The following GALNT13 variants were observed in gnomAD, a reference collection of about 807,000 sequenced individuals.
The protein encoded by GALNT13 is UDP-GalNAc:polypeptide N-acetylgalactosaminyltransferase 13.
A neutral mutation model predicts 64.2 loss-of-function variants in GALNT13; 28 were observed. That is an observed-to-expected ratio of 0.44 (90% confidence interval 0.32 to 0.60). GALNT13 has a LOEUF of 0.60. GALNT13 is among the 20% of genes least tolerant of loss of function. The pLI, the probability that GALNT13 is intolerant of heterozygous loss-of-function variation, is 0.05. For synonymous variants in GALNT13, 214 were observed against 224.6 expected, an observed-to-expected ratio of 0.95 and a Z score of 0.42; for missense variants, 577 against 669.8, an observed-to-expected ratio of 0.86 and a Z score of 1.53.
At chr2:153,266,838 T>C in the GALNT13 span, among the ~76,000 whole-genome samples, 1 of 152,134 alleles carries the variant, frequency 6.6e-6, no homozygotes, top group African/African-American at 2.4e-5. Flanking sequence ...TCAAAACCAA[T>C]TATGCCTTCC....
chr2:154,344,023 C>A (rs539512755), intron 9 of GALNT13, among the ~76,000 whole-genome samples: 1 of 152,016 alleles, frequency 6.6e-6, no homozygotes, highest in African/African-American at 2.4e-5. Context: ...AAAAGGGACA[C>A]TCTTTTCTCT....
chr2:153,499,469 G>A, the GALNT13 span, among the ~76,000 whole-genome samples: 6,380 of 152,216 alleles, frequency 0.042, 428 homozygotes, highest in African/African-American at 0.14. Context: ...GCTTCAGGCC[G>A]TCACTGGCTT....
chr2:154,379,286 T>G (rs1698151893), intron 9 of GALNT13, among the ~76,000 whole-genome samples: 2 of 152,108 alleles, frequency 1.3e-5, no homozygotes, highest in Admixed American at 1.3e-4. Context: ...TGTAAAATGC[T>G]ATGTAGCTTT....
At chr2:153,906,707 C>T (rs1253503345) in intron 2 of GALNT13, among the ~76,000 whole-genome samples, 10 of 150,964 alleles carry the variant, frequency 6.6e-5, no homozygotes, top group Non-Finnish European at 1.0e-4. Flanking sequence ...AATAAACATA[C>T]GTGTGCATGT....
intron 9 of GALNT13, among the ~76,000 whole-genome samples, chr2:154,380,110 T>A (rs947337324): frequency 6.6e-6 from 1 of 152,082 alleles, no homozygotes; most frequent in Non-Finnish European, 1.5e-5. Flanking sequence ...AAAAGGTATT[T>A]ATCAGGTTTT....
intron 4 of GALNT13, among the ~76,000 whole-genome samples, chr2:154,147,833 T>C (rs1033229766): frequency 6.6e-6 from 1 of 152,014 alleles, no homozygotes; most frequent in Admixed American, 6.6e-5. Flanking sequence ...GAAAGGGTTT[T>C]TAAAATATTA....
chr2:153,164,392 GT>G, the GALNT13 span, among the ~76,000 whole-genome samples: 2 of 151,938 alleles, frequency 1.3e-5, no homozygotes, highest in South Asian at 2.1e-4. Flanking sequence ...TTTACTATAT[GT>G]TTTTTTGGGA....
At chr2:153,590,684 A>T in the GALNT13 span, among the ~76,000 whole-genome samples, 1 of 152,198 alleles carries the variant, frequency 6.6e-6, no homozygotes, top group South Asian at 2.1e-4. Flanking sequence ...AAATCAATAA[A>T]TTTGGTACAT....
the GALNT13 span, among the ~76,000 whole-genome samples, chr2:153,138,736 T>G: frequency 6.6e-6 from 1 of 152,090 alleles, no homozygotes; most frequent in African/African-American, 2.4e-5. Context: ...TTCTTCTCCC[T>G]TGCACCCTGA....
chr2:154,108,831 A>G (rs1445818837), intron 3 of GALNT13, among the ~76,000 whole-genome samples: 2 of 152,064 alleles, frequency 1.3e-5, no homozygotes, highest in African/African-American at 2.4e-5. Flanking sequence ...TTCCAACACT[A>G]TTTATTGAAG....
chr2:153,487,369 C>T, the GALNT13 span, among the ~76,000 whole-genome samples: 2 of 152,202 alleles, frequency 1.3e-5, no homozygotes, highest in Non-Finnish European at 2.9e-5. Flanking sequence ...TTGGGCCAGT[C>T]GCCTACCAAC....
the GALNT13 span, among the ~76,000 whole-genome samples, chr2:153,721,098 C>T: frequency 2.7e-5 from 4 of 148,396 alleles, no homozygotes; most frequent in African/African-American, 7.5e-5. Context: ...GCCCATCAGA[C>T]TAACAGCGGA....
At chr2:153,437,437 C>A in the GALNT13 span, among the ~76,000 whole-genome samples, 1 of 152,118 alleles carries the variant, frequency 6.6e-6, no homozygotes, top group African/African-American at 2.4e-5. Context: ...GTTAAAGTCT[C>A]CCACTATTAT....
chr2:153,917,626 T>A (rs1689466330), intron 2 of GALNT13, among the ~76,000 whole-genome samples: 1 of 152,110 alleles, frequency 6.6e-6, no homozygotes, highest in Non-Finnish European at 1.5e-5. Flanking sequence ...GCACATCCAC[T>A]GAAATGAAAC....
chr2:153,912,915 A>G (rs1007486576), intron 2 of GALNT13, among the ~76,000 whole-genome samples: 2 of 152,230 alleles, frequency 1.3e-5, no homozygotes, highest in African/African-American at 4.8e-5. Context: ...CAGCAGCAGC[A>G]TGGCCAAGTG....
the GALNT13 span, among the ~76,000 whole-genome samples, chr2:153,749,792 C>T: frequency 2.6e-5 from 4 of 151,772 alleles, no homozygotes; most frequent in South Asian, 2.1e-4. Context: ...GATAATTTGA[C>T]TTTGTCCATT....
At chr2:153,922,160 G>A (rs1689803828) in intron 2 of GALNT13, among the ~76,000 whole-genome samples, 1 of 152,100 alleles carries the variant, frequency 6.6e-6, no homozygotes, top group South Asian at 2.1e-4. Context: ...GAATGGATGT[G>A]GGAAATCAGA....
chr2:154,284,421 T>A (rs1040634854), intron 8 of GALNT13, among the ~76,000 whole-genome samples: 1 of 152,058 alleles, frequency 6.6e-6, no homozygotes, highest in African/African-American at 2.4e-5. Flanking sequence ...CCATCCATAT[T>A]ATCACAAATA....
chr2:153,475,032 A>C, the GALNT13 span, among the ~76,000 whole-genome samples: 1 of 152,224 alleles, frequency 6.6e-6, no homozygotes, highest in African/African-American at 2.4e-5. Flanking sequence ...GCAGGATTAA[A>C]ATGTTTCATT....
Sources: gnomAD v4.1 joint callset for allele counts (sites outside exome capture counted in the v4.1 genomes callset) on GRCh38, gnomAD v4.1.1 for gene constraint, MANE v1.5 for transcripts, NCBI Gene and HGNC (gene_info 2026-07-23, HGNC 2026-07-21) for gene names.